ADGRL4: variants seen among roughly 807,000 people sequenced by gnomAD.
The protein encoded by ADGRL4 is EGF, latrophilin and seven transmembrane domain containing 1.
In ADGRL4, 90 loss-of-function variants were observed where a neutral mutation model predicts 74.8. The observed-to-expected ratio is 1.20, with a 90% confidence interval of 1.02 to 1.43. The LOEUF (loss-of-function observed/expected upper bound fraction) is 1.43. Ranked by LOEUF, ADGRL4 falls within the 40% of genes most tolerant of loss-of-function variation. ADGRL4 has a pLI of 0.00. For synonymous variants in ADGRL4, 311 were observed against 279.2 expected (o/e 1.11, Z -1.14); for missense variants, 881 against 814.3 (o/e 1.08, Z -1.00).
intron 9 of ADGRL4, among the ~76,000 whole-genome samples, chr1:78,920,618 A>G (rs1552570): frequency 0.089 from 13,469 of 151,720 alleles, 794 homozygotes; most frequent in East Asian, 0.33. Flanking sequence ...GTAATTGGTG[A>G]TTTTTTTTCT....
At chr1:78,917,478 AT>A (rs1484832341) in intron 12 of ADGRL4, among the ~76,000 whole-genome samples, 155 bp downstream of exon 12, 2 of 151,308 alleles carry the variant, frequency 1.3e-5, no homozygotes, top group African/African-American at 4.8e-5. Flanking sequence ...ATATACATGT[AT>A]TTTTTAATTA....
rs781215346 is a variant in ADGRL4 at position 78,926,995 on chromosome 1, GA to G, written c.973del (p.Ser325LeufsTer11). ...AGATATGACTCTTTCCTCCTCTTCA[GA>G]ATTATCATAATTTTGAGGTTTCAAT... The part of the protein sequence containing the change: ...FLLKPQNYDN[S>X]EEEERVISSV... On this transcript the variant is annotated frameshift_variant, in exon 8 of 15. Coordinates refer to ENST00000370742, the MANE Select transcript of ADGRL4 (RefSeq NM_022159.4). LOFTEE classifies it high-confidence loss of function. 5.1e-5 allele frequency: 82 copies of G among 1,610,034 alleles called. 2 individuals are homozygous for G. The South Asian group carries it at 8.2e-4, about 16-fold the overall frequency.
chr1:78,974,022 TG>T, intron 2 of ADGRL4, among the ~76,000 whole-genome samples: 1 of 152,250 alleles, frequency 6.6e-6, no homozygotes, highest in African/African-American at 2.4e-5. Flanking sequence ...ACTGCATGTG[TG>T]CAAGAGCACA....
chr1:79,000,548 TC>T (rs1650819839), intron 2 of ADGRL4, among the ~76,000 whole-genome samples: 1 of 152,194 alleles, frequency 6.6e-6, no homozygotes, highest in African/African-American at 2.4e-5. Flanking sequence ...TTTTCCTCTT[TC>T]TATATACTGA....
chr1:78,898,190 AG>A, intron 12 of ADGRL4, among the ~76,000 whole-genome samples: 1 of 152,288 alleles, frequency 6.6e-6, no homozygotes, highest in Non-Finnish European at 1.5e-5. Flanking sequence ...GATGACTTGG[AG>A]GAAAGATGAT....
chr1:78,971,699 C>T (rs958194644), intron 2 of ADGRL4, among the ~76,000 whole-genome samples: 1 of 152,182 alleles, frequency 6.6e-6, no homozygotes, highest in East Asian at 1.9e-4. Context: ...GTGACTTGTT[C>T]AGATTTAGTT....
intron 2 of ADGRL4, among the ~76,000 whole-genome samples, chr1:78,950,397 C>T (rs1413794353): frequency 1.3e-5 from 2 of 152,030 alleles, no homozygotes; most frequent in Admixed American, 6.6e-5. Flanking sequence ...AAACGCTTGC[C>T]AAGAATTTGG....
At chr1:78,966,869 CTT>C (rs200694415) in intron 2 of ADGRL4, among the ~76,000 whole-genome samples, 4 of 136,938 alleles carry the variant, frequency 2.9e-5, no homozygotes, top group Non-Finnish European at 4.7e-5. Flanking sequence ...CTTTTTCTTT[CTT>C]TTTTTTTTTT....
At chr1:78,893,268 A>G (rs1209906437) in intron 12 of ADGRL4, 79 bp from the exon 13 acceptor site, 2 of 854,340 alleles carry the variant, frequency 2.3e-6, no homozygotes, top group Non-Finnish European at 3.7e-6. Flanking sequence ...AATGGTAAAG[A>G]TTTCAATAAG....
intron 13 of ADGRL4, among the ~76,000 whole-genome samples, chr1:78,892,247 T>C (rs1648296325): frequency 6.6e-6 from 1 of 152,090 alleles, no homozygotes; most frequent in Non-Finnish European, 1.5e-5. Context: ...CAAAAATATG[T>C]CAAAATAAAT....
At chr1:78,991,614 A>G (rs2100734806) in intron 2 of ADGRL4, among the ~76,000 whole-genome samples, 1 of 152,122 alleles carries the variant, frequency 6.6e-6, no homozygotes, top group Non-Finnish European at 1.5e-5. Context: ...AAGATTTAAT[A>G]AATATAACCT....
At chr1:78,963,018 CCT>C (rs1649985386) in intron 2 of ADGRL4, among the ~76,000 whole-genome samples, 1 of 152,004 alleles carries the variant, frequency 6.6e-6, no homozygotes, top group South Asian at 2.1e-4. Context: ...ACAAATCTGC[CCT>C]CTGTTTTAAA....
At chr1:78,955,107 C>T (rs1017835548) in intron 2 of ADGRL4, among the ~76,000 whole-genome samples, 1 of 152,012 alleles carries the variant, frequency 6.6e-6, no homozygotes, top group Non-Finnish European at 1.5e-5. Flanking sequence ...TTCTCAATTC[C>T]TTTGCATTCA....
chr1:78,932,006 A>G (rs1649253080), intron 7 of ADGRL4, among the ~76,000 whole-genome samples: 1 of 151,420 alleles, frequency 6.6e-6, no homozygotes, highest in Admixed American at 6.6e-5. Context: ...CACTGTCCAT[A>G]TTAGACAGAT....
At position 78,893,030 on chromosome 1, in the gene ADGRL4, A is replaced by C. The variant is rs143692944; in HGVS notation, c.1841+68T>G. On this transcript the variant is annotated intron_variant, in intron 13 of 14. Transcript: ENST00000370742. ...AAAAATAATTCCCCAAATTATTTGT[A>C]CTTTGAGTTACTAAAGCTTTTAATT... The C allele has an allele frequency of 9.4e-4, 786 of 838,672 alleles. 7 individuals are homozygous for C. The African/African-American group carries it at 0.012, about 13-fold the overall frequency. 52.0% of individuals were successfully genotyped at this position (838,672 alleles called of 1,614,324 possible).
At chr1:78,916,324 A>G (rs1489400) in intron 12 of ADGRL4, among the ~76,000 whole-genome samples, 1 of 151,640 alleles carries the variant, frequency 6.6e-6, no homozygotes, top group African/African-American at 2.4e-5. Flanking sequence ...CTTGTACAAA[A>G]CAATGGCAAA....
At chr1:79,006,343 T>A (rs1650961815) in intron 1 of ADGRL4, among the ~76,000 whole-genome samples, 1 of 152,180 alleles carries the variant, frequency 6.6e-6, no homozygotes, top group African/African-American at 2.4e-5. Flanking sequence ...TGGGTGTTAA[T>A]GGTCTGGATT....
intron 2 of ADGRL4, among the ~76,000 whole-genome samples, chr1:78,956,521 C>T (rs1649832633): frequency 6.6e-6 from 1 of 152,122 alleles, no homozygotes; most frequent in African/African-American, 2.4e-5. Context: ...TCTATGTTAG[C>T]TTTTAATTTT....
At chr1:78,941,856 T>C (rs12405826) in intron 3 of ADGRL4, among the ~76,000 whole-genome samples, 13,595 of 152,182 alleles carry the variant, frequency 0.089, 818 homozygotes, top group East Asian at 0.33. Context: ...ATTCAAATCC[T>C]GACTATAACA....
Sources: allele counts gnomAD v4.1 joint callset (sites outside exome capture counted in the v4.1 genomes callset), GRCh38; gene constraint gnomAD v4.1.1; transcripts MANE v1.5; gene names NCBI Gene and HGNC (gene_info 2026-07-23, HGNC 2026-07-21).